Variants in TRIT1 observed in about 807,000 individuals in gnomAD.
TRIT1 encodes tRNA dimethylallyltransferase.
Under a neutral mutation model 51.2 loss-of-function variants are expected in TRIT1, and 43 were observed. The observed-to-expected ratio is 0.84, with a 90% confidence interval of 0.66 to 1.08. The LOEUF is 1.08. Ranked by LOEUF, TRIT1 falls within the 50% of genes least tolerant of loss-of-function variation. The pLI, the probability that TRIT1 is intolerant of heterozygous loss-of-function variation, is 0.00. For missense variants in TRIT1, 528 were observed against 578.4 expected (o/e 0.91, Z 0.89); for synonymous variants, 184 against 203.9 (o/e 0.90, Z 0.83).
At chr1:39,873,922 G>A (rs2124676620) in intron 1 of TRIT1, among the ~76,000 whole-genome samples, 1 of 152,224 alleles carries the variant, frequency 6.6e-6, no homozygotes, top group East Asian at 1.9e-4. Flanking sequence ...GGCTGGGGCA[G>A]GAGAATTGCT....
At chr1:39,865,588 G>A (rs1643489747) in intron 1 of TRIT1, among the ~76,000 whole-genome samples, 1 of 144,078 alleles carries the variant, frequency 6.9e-6, no homozygotes, top group East Asian at 2.2e-4. Flanking sequence ...TGTAATCCCA[G>A]CACCGTGGGT....
At chr1:39,859,700 A>AG (rs1188703717) in intron 1 of TRIT1, among the ~76,000 whole-genome samples, 2 of 152,214 alleles carry the variant, frequency 1.3e-5, no homozygotes, top group African/African-American at 4.8e-5. Context: ...GCTCTGCTGT[A>AG]GCTTAGAATT....
chr1:39,847,472 C>T, intron 7 of TRIT1, 76 bp downstream of exon 7: 1 of 1,546,242 alleles, frequency 6.5e-7, no homozygotes, highest in Non-Finnish European at 8.9e-7. Context: ...AGCCTTGGCT[C>T]TTTCTCAGAC....
intron 1 of TRIT1, among the ~76,000 whole-genome samples, chr1:39,874,405 T>A (rs1263527194): frequency 6.6e-6 from 1 of 152,152 alleles, no homozygotes; most frequent in East Asian, 1.9e-4. Context: ...TCACCCCAAG[T>A]TGAGACTACT....
intron 4 of TRIT1, among the ~76,000 whole-genome samples, chr1:39,851,966 GTAA>G (rs1465584778): frequency 1.4e-5 from 2 of 145,558 alleles, no homozygotes; most frequent in Admixed American, 1.4e-4. Flanking sequence ...AAAAAAAAAA[GTAA>G]TAATAATAAT....
intron 1 of TRIT1, among the ~76,000 whole-genome samples, chr1:39,864,281 CT>C (rs777440750): frequency 6.6e-5 from 10 of 151,948 alleles, no homozygotes; most frequent in Non-Finnish European, 1.3e-4. Flanking sequence ...CAATGATGCA[CT>C]CTGGTCTAGC....
intron 3 of TRIT1, 131 bp from the exon 4 acceptor site, chr1:39,853,007 C>A: frequency 9.7e-7 from 1 of 1,033,322 alleles, no homozygotes; most frequent in Non-Finnish European, 1.4e-6. Context: ...AGATCATAAA[C>A]AGAAAATTCC....
intron 1 of TRIT1, among the ~76,000 whole-genome samples, chr1:39,870,894 C>G (rs1316208900): frequency 6.6e-6 from 1 of 152,154 alleles, no homozygotes; most frequent in African/African-American, 2.4e-5. Flanking sequence ...CCCAGATGTC[C>G]TTTAATAGGT....
intron 1 of TRIT1, among the ~76,000 whole-genome samples, chr1:39,865,780 G>A (rs1643510897): frequency 6.6e-6 from 1 of 151,542 alleles, no homozygotes; most frequent in Admixed American, 6.6e-5. Context: ...AGCCCAAGAG[G>A]GTGAGCTGCA....
In TRIT1 at chr1:39,848,109, T is replaced by C; in HGVS notation, c.704-12A>G. The C allele has an allele frequency of 6.2e-7, 1 of 1,610,656 alleles. No individual in the cohort carries two copies. The highest frequency in any genetic ancestry group is 1.3e-5 in the African/African-American group (1 of 74,960). ...GCGCTCATCTAGAACTTGAATCAAATTAGCCCATCAACCAGCAAGCAAGTT... is the reference window on the plus strand; with the variant it reads ...GCGCTCATCTAGAACTTGAATCAAACTAGCCCATCAACCAGCAAGCAAGTT... On this transcript the variant is annotated splice_polypyrimidine_tract_variant and intron_variant, in intron 5 of 10. Coordinates refer to ENST00000316891, the MANE Select transcript of TRIT1 (RefSeq NM_017646.6).
At position 39,852,761 on chromosome 1, in the gene TRIT1, A is replaced by G; in HGVS notation, c.530T>C (p.Leu177Pro). The G allele has an allele frequency of 6.2e-7, 1 of 1,614,138 alleles. No homozygotes were observed. The highest frequency in any genetic ancestry group is 8.5e-7 in the Non-Finnish European group (1 of 1,179,994). The change falls in exon 4 of 11, where the codon CTG (leucine) becomes CCG (proline). Residue 177 changes from leucine (L) to proline (P), a missense_variant. This residue lies in a region of TRIT1 where 468 missense variants were observed against 522.6 expected (regional missense o/e 0.90). Transcript: ENST00000316891. ...CACTTTGCGTTTGTCATGTGGATGC[A>G]GCTTGGCAGCCATTTCTGGGTCCAC... ...SQVDPEMAAK[L>P]HPHDKRKVAR...
intron 8 of TRIT1, among the ~76,000 whole-genome samples, chr1:39,846,210 G>C (rs1328869466): frequency 2.6e-5 from 4 of 152,220 alleles, no homozygotes; most frequent in Non-Finnish European, 4.4e-5. Flanking sequence ...CAGAGAGTGG[G>C]AGCTGGGAGA....
In TRIT1 at chr1:39,839,122, G is replaced by A. The variant is rs1557519939; in HGVS notation, c.*2622C>T. Among the ~76,000 whole-genome samples the A allele has an allele frequency of 6.6e-6, 1 of 152,296 alleles. No homozygotes were observed. The highest frequency in any genetic ancestry group is 2.1e-4 in the South Asian group (1 of 4,820). ...GAACCTAATAGCTCACTGAGTATTG[G>A]AATTAATTGCCAAAGCCATTTAGAT... On this transcript the variant is annotated 3_prime_UTR_variant, in exon 11 of 11. Transcript: ENST00000316891.
intron 1 of TRIT1, among the ~76,000 whole-genome samples, chr1:39,869,135 G>C (rs981508011): frequency 6.6e-6 from 1 of 151,618 alleles, no homozygotes; most frequent in African/African-American, 2.4e-5. Flanking sequence ...TCTCTCCAGG[G>C]TCTCCCTCTG....
chr1:39,876,927 CA>C lies in TRIT1; in HGVS notation c.174+6390del, dbSNP rs1283056006. Among the ~76,000 whole-genome samples the C allele has an allele frequency of 4.8e-3, 288 of 59,536 alleles. 1 individual carries two copies. The highest frequency in any genetic ancestry group is 0.014 in the African/African-American group (219 of 15,372). 39.1% of individuals were successfully genotyped at this position (59,536 alleles called of 152,430 possible). A position where few individuals can be genotyped will look rare whatever the true frequency, so the allele number is the denominator to read the frequency against. On this transcript the variant is annotated intron_variant, in intron 1 of 10. Transcript: ENST00000316891. ...TGGGTGACACAGCAAGACTCCATCT[CA>C]AAAAAAAAAAACAAAAAAAAAAGGA...
Position 39,840,718 on chromosome 1 carries a change from C to G in TRIT1, c.*1026G>C, listed in dbSNP as rs1196799263. On this transcript the variant is annotated 3_prime_UTR_variant, in exon 11 of 11. Coordinates refer to ENST00000316891, the MANE Select transcript of TRIT1 (RefSeq NM_017646.6). ...TTTGGAAATAGTGGCAACGATTGCA[C>G]AACATTGTGAATGTAGTTAATGCTG... Among the ~76,000 whole-genome samples the G allele has an allele frequency of 6.6e-6, 1 of 152,140 alleles. No individual in the cohort carries two copies. The highest frequency in any genetic ancestry group is 1.5e-5 in the Non-Finnish European group (1 of 68,026).
rs2124574054 is a variant in TRIT1, at chr1:39,843,865, A to G, written c.1234+236T>C. 1.3e-5 allele frequency among the ~76,000 whole-genome samples: 2 copies of G among 152,380 alleles called. 1 individual carries two copies. Among genetic ancestry groups the G allele is most frequent in the South Asian group, 4.1e-4 (2 of 4,830 alleles). ...GAAAGTTAACTGCAGATCTCTTAGT[A>G]TAAAATATTAATTCCAGCTGAAGAT... On this transcript the variant is annotated intron_variant, in intron 10 of 10. Transcript: ENST00000316891.
intron 1 of TRIT1, among the ~76,000 whole-genome samples, chr1:39,873,940 G>A (rs898886452): frequency 2.6e-5 from 4 of 151,174 alleles, no homozygotes; most frequent in South Asian, 2.1e-4. Flanking sequence ...GCTTGAACCC[G>A]GGGGATGGAG....
intron 3 of TRIT1, 124 bp from the exon 4 acceptor site, chr1:39,853,000 T>A: frequency 8.9e-7 from 1 of 1,122,340 alleles, no homozygotes; most frequent in Non-Finnish European, 1.3e-6. Flanking sequence ...TAGTGAGAGA[T>A]CATAAACAGA....
Sources: gnomAD v4.1 joint callset for allele counts (sites outside exome capture counted in the v4.1 genomes callset) on GRCh38, gnomAD v4.1.1 for gene constraint, gnomAD v4.1.1 regional missense constraint, MANE v1.5 for transcripts, NCBI Gene and HGNC (gene_info 2026-07-23, HGNC 2026-07-21) for gene names.